PRKN: variants seen among roughly 807,000 people sequenced by gnomAD.
PRKN encodes E3 ubiquitin-protein ligase parkin.
A neutral mutation model predicts 59.5 loss-of-function variants in PRKN; 56 were observed. The observed-to-expected ratio is 0.94, with a 90% CI of 0.76 to 1.18. The LOEUF (loss-of-function observed/expected upper bound fraction) is 1.18, where lower values mean the gene tolerates loss of function less well. PRKN is among the 50% of genes most tolerant of loss of function. The pLI is 0.00. For synonymous variants in PRKN, 250 were observed against 222.1 expected, an observed-to-expected ratio of 1.13 and a Z score of -1.12; for missense variants, 657 against 596.4, an observed-to-expected ratio of 1.10 and a Z score of -1.06.
chr6:162,236,778 G>A (rs1355564951), intron 3 of PRKN, among the ~76,000 whole-genome samples: 1 of 151,344 alleles, frequency 6.6e-6, no homozygotes, highest in East Asian at 1.9e-4. Flanking sequence ...TGGGTGACAA[G>A]AGAGAAACTC....
chr6:162,608,457 G>C (rs537734204), intron 1 of PRKN, among the ~76,000 whole-genome samples: 1 of 152,248 alleles, frequency 6.6e-6, no homozygotes, highest in Non-Finnish European at 1.5e-5. Context: ...GGAGAGGTTC[G>C]AGTATAGACA....
chr6:162,364,159 T>C (rs758305431), intron 2 of PRKN, among the ~76,000 whole-genome samples: 36 of 151,966 alleles, frequency 2.4e-4, no homozygotes, highest in Non-Finnish European at 4.9e-4. Flanking sequence ...GACTTGATAA[T>C]ACCATCTACA....
chr6:162,451,048 G>C (rs1790600606), intron 1 of PRKN, among the ~76,000 whole-genome samples: 1 of 152,034 alleles, frequency 6.6e-6, no homozygotes, highest in South Asian at 2.1e-4. Flanking sequence ...TAAAGAAAAA[G>C]ATCTAGATGG....
In PRKN at chr6:161,400,063, T is replaced by C. The variant is rs1229181615; in HGVS notation, c.1084-13186A>G. 6.6e-6 allele frequency among the ~76,000 whole-genome samples: 1 copy of C among 152,146 alleles called. No individual in the cohort carries two copies. Among genetic ancestry groups the C allele is most frequent in the East Asian group, 1.9e-4 (1 of 5,172 alleles). ...CTCAGTTGGGACTAGCCCTATTCTA[T>C]GGGCTCAGGAGCCTCACGTGGGCAC... On this transcript the variant is annotated intron_variant, in intron 9 of 11. Transcript: ENST00000366898. The surrounding 1 kb of genome is among the most constrained non-coding windows in gnomAD (Gnocchi z 4.2).
At chr6:162,159,090 T>C (rs1782649251) in intron 4 of PRKN, among the ~76,000 whole-genome samples, 1 of 152,022 alleles carries the variant, frequency 6.6e-6, no homozygotes, top group Non-Finnish European at 1.5e-5. Flanking sequence ...AGAGCCCCTC[T>C]GGACCAGGCT....
chr6:162,549,235 A>G (rs760989834), intron 1 of PRKN, among the ~76,000 whole-genome samples: 3 of 152,094 alleles, frequency 2.0e-5, no homozygotes, highest in Non-Finnish European at 4.4e-5. Context: ...GAACTTGCGG[A>G]CACCTGACTT....
intron 3 of PRKN, among the ~76,000 whole-genome samples, chr6:162,262,233 C>T (rs556684124): frequency 6.6e-6 from 1 of 152,178 alleles, no homozygotes; most frequent in African/African-American, 2.4e-5. Flanking sequence ...ACAAATGGCT[C>T]GATTAGCTTT....
chr6:162,120,235 C>T (rs571311680), intron 4 of PRKN, among the ~76,000 whole-genome samples: 1 of 152,320 alleles, frequency 6.6e-6, no homozygotes, highest in Non-Finnish European at 1.5e-5. Flanking sequence ...AACTCCTGGG[C>T]TCAAGCAATT....
At chr6:161,773,933 A>G (rs939724609) in intron 7 of PRKN, among the ~76,000 whole-genome samples, 1 of 152,194 alleles carries the variant, frequency 6.6e-6, no homozygotes, top group African/African-American at 2.4e-5. Flanking sequence ...GAAGGGAGTG[A>G]TGCTGCTGGA....
chr6:161,972,012 G>A (rs183107041), intron 6 of PRKN, among the ~76,000 whole-genome samples: 4 of 152,126 alleles, frequency 2.6e-5, no homozygotes, highest in Non-Finnish European at 1.5e-5. Context: ...GGCAGCTCAC[G>A]CCTGTAATCC....
At position 161,575,239 on chromosome 6, in the gene PRKN, T is replaced by C. The variant is rs1053889431; in HGVS notation, c.872-5823A>G. The stretch of plus-strand genomic sequence containing the variant: ...AAAGGACAACTGCGAAACTGGGCTC[T>C]ATATTTCAATTAGTATCTGTAATCA... On this transcript the variant is annotated intron_variant, in intron 7 of 11. Transcript: ENST00000366898. This position sits in a 1 kb window ranked among gnomAD's most constrained non-coding sequence, Gnocchi z 4.6. Among the ~76,000 whole-genome samples, 3 of 152,238 alleles carry C rather than the reference T, an allele frequency of 2.0e-5. No homozygotes were observed. The highest frequency in any genetic ancestry group is 7.2e-5 in the African/African-American group (3 of 41,454).
intron 6 of PRKN, among the ~76,000 whole-genome samples, chr6:161,957,573 C>T (rs62435966): frequency 0.066 from 9,985 of 151,840 alleles, 381 homozygotes; most frequent in Middle Eastern, 0.13. Flanking sequence ...TACAAGTGTG[C>T]GCCACCACGC....
intron 4 of PRKN, among the ~76,000 whole-genome samples, chr6:162,120,405 C>T (rs1310402670): frequency 2.0e-5 from 3 of 152,212 alleles, no homozygotes; most frequent in African/African-American, 7.2e-5. Flanking sequence ...TCTATCATCA[C>T]AGGTAGGTAT....
At chr6:161,387,488 C>T (rs113834288) in intron 9 of PRKN, among the ~76,000 whole-genome samples, 325 of 152,270 alleles carry the variant, frequency 2.1e-3, no homozygotes, top group African/African-American at 6.8e-3. Flanking sequence ...TATCCAGTCT[C>T]GGGTATGTCC....
intron 5 of PRKN, among the ~76,000 whole-genome samples, chr6:162,021,207 T>C (rs1230383605): frequency 7.1e-6 from 1 of 140,260 alleles, no homozygotes; most frequent in South Asian, 2.2e-4. Flanking sequence ...ATATATATAA[T>C]ATATAACATC....
intron 1 of PRKN, among the ~76,000 whole-genome samples, chr6:162,647,731 C>T (rs745652770): frequency 6.6e-6 from 1 of 152,000 alleles, no homozygotes; most frequent in Non-Finnish European, 1.5e-5. Flanking sequence ...TCCTGCCACT[C>T]ACCAAGGAAG....
intron 5 of PRKN, among the ~76,000 whole-genome samples, chr6:162,038,093 A>G (rs1264661353): frequency 6.6e-6 from 1 of 151,558 alleles, no homozygotes; most frequent in Non-Finnish European, 1.5e-5. Context: ...CATTATGACC[A>G]TGTTATTTTT....
intron 2 of PRKN, among the ~76,000 whole-genome samples, chr6:162,377,048 G>T (rs1786145479): frequency 6.6e-6 from 1 of 152,088 alleles, no homozygotes; most frequent in African/African-American, 2.4e-5. Context: ...CTACAGATGG[G>T]TCCCAAATCA....
chr6:161,492,054 C>T (rs1487840118), intron 9 of PRKN, among the ~76,000 whole-genome samples: 1 of 152,176 alleles, frequency 6.6e-6, no homozygotes, highest in Non-Finnish European at 1.5e-5. Context: ...ATAAGAACTG[C>T]CATCAAGTAA....
Sources: allele counts gnomAD v4.1 joint callset (sites outside exome capture counted in the v4.1 genomes callset), GRCh38; gene constraint gnomAD v4.1.1; non-coding constraint Gnocchi (gnomAD v3.1); transcripts MANE v1.5; gene names NCBI Gene and HGNC (gene_info 2026-07-23, HGNC 2026-07-21).